The following TRPM5 variants were observed in gnomAD, a reference collection of about 807,000 sequenced individuals.
TRPM5 encodes transient receptor potential cation channel subfamily M member 5, also known as MLSN1 and TRP-related.
In TRPM5, 121 loss-of-function variants were observed where a neutral mutation model predicts 124.9. The ratio of observed to expected loss-of-function variants is 0.97; its 90% CI spans 0.84 to 1.13. TRPM5 has a LOEUF of 1.13. TRPM5 is among the 50% of genes most tolerant of loss of function. TRPM5 has a pLI of 0.00. For synonymous variants in TRPM5, 781 were observed against 700.5 expected, an observed-to-expected ratio of 1.11 and a Z score of -1.81; for missense variants, 1,643 against 1,589.1, an observed-to-expected ratio of 1.03 and a Z score of -0.58.
chr11:2,410,913 AG>A (rs1850432287), intron 18 of TRPM5, among the ~76,000 whole-genome samples: 1 of 152,148 alleles, frequency 6.6e-6, no homozygotes, highest in Admixed American at 6.5e-5. Context: ...GGCAGAGGCC[AG>A]GGGCTGTGAG....
At chr11:2,429,770 G>A in the TRPM5 span, among the ~76,000 whole-genome samples, 1 of 151,996 alleles carries the variant, frequency 6.6e-6, no homozygotes, top group Non-Finnish European at 1.5e-5. The surrounding 1 kb of genome is among the most constrained non-coding windows in gnomAD (Gnocchi z 8.4). Flanking sequence ...TGCTTGATAT[G>A]GTTTGGCTCT....
chr11:2,442,610 C>G, the TRPM5 span, among the ~76,000 whole-genome samples: 67 of 152,254 alleles, frequency 4.4e-4, no homozygotes, highest in African/African-American at 1.5e-3. This position sits in a 1 kb window ranked among gnomAD's most constrained non-coding sequence, Gnocchi z 5.9. Flanking sequence ...TCCTACATAT[C>G]TTTGGGTTAT....
At chr11:2,414,092 G>T (rs751840689) in exon 12 of TRPM5, 15 of 1,588,286 alleles carry the variant, frequency 9.4e-6, no homozygotes, top group Non-Finnish European at 1.3e-5. Flanking sequence ...GAAGGCCTTG[G>T]CGTCAGCCTC....
intron 18 of TRPM5, among the ~76,000 whole-genome samples, chr11:2,410,254 G>T (rs929101536): frequency 6.6e-6 from 1 of 152,038 alleles, no homozygotes; most frequent in Non-Finnish European, 1.5e-5. Flanking sequence ...TCACGGCGTC[G>T]CCCCCGCCTG....
At chr11:2,421,478 G>T (rs1845771693) in intron 2 of TRPM5, among the ~76,000 whole-genome samples, 1 of 152,194 alleles carries the variant, frequency 6.6e-6, no homozygotes, top group Non-Finnish European at 1.5e-5. Context: ...CCCCCACCGT[G>T]CTCCCTCCGG....
chr11:2,442,009 G>C, the TRPM5 span, among the ~76,000 whole-genome samples: 3 of 152,152 alleles, frequency 2.0e-5, no homozygotes, highest in African/African-American at 4.8e-5. This position sits in a 1 kb window ranked among gnomAD's most constrained non-coding sequence, Gnocchi z 5.9. Context: ...AAAATATGGA[G>C]GCTTGACCTG....
In TRPM5 at chr11:2,411,203, G is replaced by A. The variant is rs555950650; in HGVS notation, c.2782+149C>T. On this transcript the variant is annotated intron_variant, in intron 18 of 23. Transcript: ENST00000155858. ...CCCTTTGGGGTGTGGGGGGCCTGGGGACCAGGCCTCAGCCACTTCTCCCAT... is the reference window on the plus strand; with the variant it reads ...CCCTTTGGGGTGTGGGGGGCCTGGGAACCAGGCCTCAGCCACTTCTCCCAT... The A allele has an allele frequency of 4.4e-5, 44 of 997,884 alleles. No homozygotes were observed. In the African/African-American group the frequency reaches 6.4e-4, roughly 14 times the overall value. 61.8% of individuals were successfully genotyped at this position (997,884 alleles called of 1,614,324 possible).
At chr11:2,443,374 C>A in the TRPM5 span, among the ~76,000 whole-genome samples, 8 of 152,228 alleles carry the variant, frequency 5.3e-5, no homozygotes, top group Non-Finnish European at 8.8e-5. The surrounding 1 kb of genome is among the most constrained non-coding windows in gnomAD (Gnocchi z 5.0). Flanking sequence ...CTGCTGAATG[C>A]GTGCTGTGTG....
At chr11:2,420,980 G>A (rs1334304953) in intron 3 of TRPM5, 52 bp downstream of exon 8, 6 of 1,492,508 alleles carry the variant, frequency 4.0e-6, no homozygotes, top group Non-Finnish European at 5.3e-6. Flanking sequence ...ACCCTTCTGA[G>A]CCCCTGCCTC....
chr11:2,443,874 G>A, the TRPM5 span, among the ~76,000 whole-genome samples: 1 of 148,652 alleles, frequency 6.7e-6, no homozygotes, highest in Non-Finnish European at 1.5e-5. The surrounding 1 kb of genome is among the most constrained non-coding windows in gnomAD (Gnocchi z 5.0). Flanking sequence ...AGTAGCGGGC[G>A]GGAGGCAGTG....
At chr11:2,436,947 G>T in the TRPM5 span, among the ~76,000 whole-genome samples, 1 of 152,236 alleles carries the variant, frequency 6.6e-6, no homozygotes, top group Non-Finnish European at 1.5e-5. Context: ...TGGGTCCTGG[G>T]CTGGGAGGAG....
chr11:2,435,221 G>C, the TRPM5 span, among the ~76,000 whole-genome samples: 1 of 152,178 alleles, frequency 6.6e-6, no homozygotes, highest in African/African-American at 2.4e-5. This position sits in a 1 kb window ranked among gnomAD's most constrained non-coding sequence, Gnocchi z 4.1. Flanking sequence ...GATGGCTATG[G>C]AGAAAAATAA....
chr11:2,406,713 C>T, exon 21 of TRPM5: 1 of 1,613,566 alleles, frequency 6.2e-7, no homozygotes, highest in Non-Finnish European at 8.5e-7. Flanking sequence ...CTCCGCTTCT[C>T]CATCTTGCTC....
chr11:2,407,682 A>C lies in TRPM5; in HGVS notation c.2936+77T>G. On this transcript the variant is annotated intron_variant, in intron 19 of 23. Coordinates refer to ENST00000155858, the Ensembl canonical transcript of TRPM5. The stretch of plus-strand genomic sequence containing the variant: ...TCTGCAGCACACCAGGTGGGTTGCA[A>C]AGGAGGCGGTGTTGGGGAATGACCC... 1.9e-6 allele frequency: 3 copies of C among 1,554,642 alleles called. 1 individual carries two copies. The South Asian group carries it at 3.6e-5, about 19-fold the overall frequency.
At chr11:2,413,431 G>T in intron 13 of TRPM5, 45 bp downstream of exon 18, 2 of 1,538,428 alleles carry the variant, frequency 1.3e-6, no homozygotes, top group Non-Finnish European at 1.8e-6. Context: ...TCCGGCACTC[G>T]CACTGCTGCC....
chr11:2,420,272 A>AGCTC lies in TRPM5; in HGVS notation c.595_598dup (p.Leu200ArgfsTer35), dbSNP rs1845752009. Reference sequence around the variant, plus strand: ...GATGTGCTTCTCCAGCCTCAGCCGCAGCTCCGTCAGCCCATCGCCCTTCCC... The same window carrying AGCTC: ...GATGTGCTTCTCCAGCCTCAGCCGCAGCTCGCTCCGTCAGCCCATCGCCCTTCCC... On this transcript the variant is annotated frameshift_variant, in exon 4 of 24. Transcript: ENST00000155858. LOFTEE classifies it high-confidence loss of function. 2 of 1,611,726 alleles carry AGCTC rather than the reference A, an allele frequency of 1.2e-6. No individual in the cohort carries two copies. Among genetic ancestry groups the AGCTC allele is most frequent in the Middle Eastern group, 1.7e-4 (1 of 5,990 alleles).
At chr11:2,406,307 T>C (rs1850322242) in intron 21 of TRPM5, among the ~76,000 whole-genome samples, 1 of 151,926 alleles carries the variant, frequency 6.6e-6, no homozygotes, top group Admixed American at 6.5e-5. Flanking sequence ...AGGGCTAGGG[T>C]GCCATCCCTG....
intron 3 of TRPM5, 122 bp downstream of exon 8, chr11:2,420,910 C>T (rs1377511493): frequency 6.8e-6 from 8 of 1,177,432 alleles, no homozygotes; most frequent in South Asian, 3.3e-5. Flanking sequence ...TGGCTCTGCC[C>T]GCTCCCTGCT....
At chr11:2,424,993 C>T (rs990760478), upstream of TRPM5, among the ~76,000 whole-genome samples, 3 of 152,196 alleles carry the variant, frequency 2.0e-5, no homozygotes, top group Non-Finnish European at 2.9e-5. Context: ...CAAATCCTCC[C>T]GCACTTCTGC....
Sources: allele counts gnomAD v4.1 joint callset (sites outside exome capture counted in the v4.1 genomes callset), GRCh38; gene constraint gnomAD v4.1.1; non-coding constraint Gnocchi (gnomAD v3.1); transcripts MANE v1.5; gene names NCBI Gene and HGNC (gene_info 2026-07-23, HGNC 2026-07-21).